Variants in FCRL5 observed in about 807,000 individuals in gnomAD.
FCRL5 encodes the protein Fc receptor-like protein 5.
A neutral mutation model predicts 92.1 loss-of-function variants in FCRL5; 79 were observed. That is an observed-to-expected ratio of 0.86 (90% confidence interval 0.72 to 1.03). FCRL5 has a LOEUF of 1.03. Ranked by LOEUF, FCRL5 falls within the 50% of genes least tolerant of loss-of-function variation. FCRL5 has a pLI of 0.00. For synonymous variants in FCRL5, 466 were observed against 469.3 expected (o/e 0.99, Z 0.09); for missense variants, 1,160 against 1,181.1 (o/e 0.98, Z 0.26).
chr1:157,542,802 A>G lies in FCRL5; in HGVS notation c.1123+57T>C, dbSNP rs553420510. 420 of 1,566,242 alleles carry G rather than the reference A, an allele frequency of 2.7e-4. 1 individual carries two copies. The highest frequency in any genetic ancestry group is 1.4e-4 in the Non-Finnish European group (160 of 1,154,380). On this transcript the variant is annotated intron_variant, in intron 6 of 16. Coordinates refer to ENST00000361835, the MANE Select transcript of FCRL5 (RefSeq NM_031281.3). ...AGGTATATGCTGACTTCCGAAGGGC[A>G]GGGTGAGGCAGGACTCTTGGCCAGG...
At position 157,543,047 on chromosome 1, in the gene FCRL5, T is replaced by C; in HGVS notation, c.935A>G (p.Glu312Gly). Residue 312 changes from glutamate (E) to glycine (G), a missense_variant, in exon 6 of 17, where the codon GAA (glutamate) becomes GGA (glycine). Coordinates refer to ENST00000361835, the MANE Select transcript of FCRL5 (RefSeq NM_031281.3). ...TKVTLHCETQEDSLRTLYRFY... is the reference protein window; with the variant it reads ...TKVTLHCETQGDSLRTLYRFY... ...CCTGTACAAAGTGCGCAGAGAATCT[T>C]CCTGGGTTTCACAGTGAAGTGTCAC... The C allele has an allele frequency of 6.2e-7, 1 of 1,614,226 alleles. No individual in the cohort carries two copies. The highest frequency in any genetic ancestry group is 8.5e-7 in the Non-Finnish European group (1 of 1,180,038).
Position 157,544,881 on chromosome 1 carries a change from T to C in FCRL5, c.509A>G (p.Lys170Arg). ...DNGAYRCTGY[K>R]ESCCPVSSNT... ...GGAAGAAACAGGGCAACAACTTTCC[T>C]TATATCCAGTACAGCGATATGCACC... The change falls in exon 4 of 17, where the codon AAG becomes AGG. Residue 170 changes from lysine to arginine, a missense_variant. Transcript: ENST00000361835. 1 of 1,614,248 alleles carries C rather than the reference T, an allele frequency of 6.2e-7. No homozygotes were observed. The highest frequency in any genetic ancestry group is 8.5e-7 in the Non-Finnish European group (1 of 1,180,034).
At position 157,543,106 on chromosome 1, in the gene FCRL5, G is replaced by A; in HGVS notation, c.876C>T (p.Ser292=). ...CCTCAAAATTCAGAGCCTTTTCAGG[G>A]CTGAGAGTGAGGACAGGATGAGATG... The part of the protein sequence containing the change: ...IPASHPVLTL[S]PEKALNFEGT... The change falls in exon 6 of 17, where the codon AGC becomes AGT. Residue 292 remains serine (S), a synonymous_variant. Transcript: ENST00000361835. The A allele has an allele frequency of 6.2e-7, 1 of 1,614,186 alleles. No homozygotes were observed.
rs1346052238 is a variant in FCRL5, at chr1:157,524,266, AG to A, written c.2239+12del. ...GTTCTCAGATGTGCTGCTGGTGGGCAGGGCCCACTCACCTGCAACTTTCAGT... is the reference window on the plus strand; with the variant it reads ...GTTCTCAGATGTGCTGCTGGTGGGCAGGCCCACTCACCTGCAACTTTCAGT... On this transcript the variant is annotated intron_variant, in intron 10 of 16. Transcript: ENST00000361835. 3.1e-6 allele frequency: 5 copies of A among 1,613,458 alleles called. No individual in the cohort carries two copies. Among genetic ancestry groups the A allele is most frequent in the Admixed American group, 3.3e-5 (2 of 60,004 alleles).
chr1:157,527,506 C>A (rs1650483404), intron 9 of FCRL5, 111 bp downstream of exon 9: 2 of 1,138,724 alleles, frequency 1.8e-6, no homozygotes, highest in East Asian at 4.8e-5. Context: ...CCAAGCCTGA[C>A]AGGATGTCAC....
intron 8 of FCRL5, among the ~76,000 whole-genome samples, chr1:157,529,594 CATGT>C (rs111420471): frequency 0.15 from 9,780 of 64,908 alleles, 792 homozygotes; most frequent in African/African-American, 0.24. Flanking sequence ...GATACATACG[CATGT>C]GTGTGTGTGT....
intron 15 of FCRL5, 92 bp from the exon 16 acceptor site, chr1:157,515,965 A>G: frequency 1.4e-6 from 2 of 1,408,756 alleles, no homozygotes; most frequent in South Asian, 1.2e-5. Context: ...AGCCTCCTGG[A>G]GGCCCGCTCT....
rs764389459 is a variant in FCRL5, at chr1:157,527,635, T to A, written c.1942A>T (p.Ile648Leu). 4.1e-5 allele frequency: 66 copies of A among 1,610,382 alleles called. No individual in the cohort carries two copies. The highest frequency in any genetic ancestry group is 5.3e-5 in the Non-Finnish European group (63 of 1,178,114). Residue 648 changes from isoleucine to leucine, a missense_variant, in exon 9 of 17, where the codon ATA becomes TTA. By Grantham distance (5) the Ile-to-Leu change is conservative (BLOSUM62 2). Transcript: ENST00000361835. Reference sequence around the variant, plus strand: ...AACTTACCTATAACACTGAGTGATATTGTGTCACTGTGCTGGGCCACTAGG... The same window carrying A: ...AACTTACCTATAACACTGAGTGATAATGTGTCACTGTGCTGGGCCACTAGG... ...NGLVAQHSDT[I>L]SLSVIVPVSR...
intron 3 of FCRL5, among the ~76,000 whole-genome samples, chr1:157,546,555 C>A (rs978199994): frequency 9.9e-5 from 15 of 152,080 alleles, no homozygotes; most frequent in African/African-American, 3.1e-4. Flanking sequence ...CTCAGACTTT[C>A]TGGTACCGGA....
chr1:157,548,081 A>T (rs1444383009), intron 2 of FCRL5, among the ~76,000 whole-genome samples: 1 of 152,242 alleles, frequency 6.6e-6, no homozygotes, highest in South Asian at 2.1e-4. Context: ...TCCTGAGTCA[A>T]TATACTTGCC....
chr1:157,526,379 A>C (rs1235760985), intron 9 of FCRL5, among the ~76,000 whole-genome samples: 1 of 152,188 alleles, frequency 6.6e-6, no homozygotes, highest in Non-Finnish European at 1.5e-5. Flanking sequence ...ACATGGAGAC[A>C]GTCTGGGTAA....
At chr1:157,519,794 T>C (rs770322375) in intron 12 of FCRL5, 24 bp from the exon 13 acceptor site, 5 of 1,613,610 alleles carry the variant, frequency 3.1e-6, no homozygotes, top group East Asian at 2.2e-5. Context: ...CAGAGGAGCA[T>C]TGGATTCAGG....
At chr1:157,538,466 C>A (rs1210852567) in intron 7 of FCRL5, among the ~76,000 whole-genome samples, 1 of 152,214 alleles carries the variant, frequency 6.6e-6, no homozygotes. Flanking sequence ...GATGTCATAA[C>A]TATTTGACAG....
rs147825124 is a variant in FCRL5, at chr1:157,521,112, A to T, written c.2420T>A (p.Leu807His). 6.2e-7 allele frequency: 1 copy of T among 1,613,972 alleles called. No homozygotes were observed. The highest frequency in any genetic ancestry group is 8.5e-7 in the Non-Finnish European group (1 of 1,180,030). The change falls in exon 11 of 17, where the codon CTC (leucine) becomes CAC (histidine). Residue 807 changes from leucine (L) to histidine (H), a missense_variant. Transcript: ENST00000361835. The stretch of plus-strand genomic sequence containing the variant: ...TCCAGAGTGCTCTGCAGTCAGAGAG[A>T]GGTTTAAGGACGCTCCTCCAGAGGG... ...SSPSGGASLN[L>H]SLTAEHSGNY...
chr1:157,546,591 T>C (rs1360585433), intron 3 of FCRL5, among the ~76,000 whole-genome samples: 1 of 152,188 alleles, frequency 6.6e-6, no homozygotes, highest in Non-Finnish European at 1.5e-5. Context: ...TATAAATTGC[T>C]GGACCCCACT....
At chr1:157,549,664 T>A (rs980904607) in intron 1 of FCRL5, 84 bp from the exon 2 acceptor site, 101 of 1,224,524 alleles carry the variant, frequency 8.2e-5, no homozygotes, top group Non-Finnish European at 1.1e-4. Flanking sequence ...TACCCATGCA[T>A]GTATTACTTG....
chr1:157,534,577 G>A (rs2101622843), intron 8 of FCRL5, 37 bp downstream of exon 8: 1 of 1,613,406 alleles, frequency 6.2e-7, no homozygotes, highest in East Asian at 2.2e-5. Context: ...AGAGAACTCA[G>A]CCAGGGGTGG....
At chr1:157,533,514 C>T (rs980395475) in intron 8 of FCRL5, 1 of 152,016 alleles carries the variant, frequency 6.6e-6, no homozygotes. Flanking sequence ...TTTAAATCCC[C>T]TCTTATCATC....
intron 9 of FCRL5, among the ~76,000 whole-genome samples, chr1:157,526,818 G>A (rs112146742): frequency 4.6e-5 from 7 of 152,126 alleles, no homozygotes; most frequent in South Asian, 2.1e-4. Context: ...AGGAGCTGAC[G>A]CAAGCAGAAG....
Sources: allele counts gnomAD v4.1 joint callset (sites outside exome capture counted in the v4.1 genomes callset), GRCh38; gene constraint gnomAD v4.1.1; transcripts MANE v1.5; gene names NCBI Gene and HGNC (gene_info 2026-07-23, HGNC 2026-07-21).